The following NBAS variants were observed in gnomAD, a reference collection of about 807,000 sequenced individuals.
The protein encoded by NBAS is NBAS subunit of NRZ tethering complex.
NBAS carries 219 observed loss-of-function variants against 302.5 expected under a neutral mutation model. The observed-to-expected ratio is 0.72, with a 90% CI of 0.65 to 0.81. The LOEUF (loss-of-function observed/expected upper bound fraction) is 0.81. Among genes scored for constraint, NBAS ranks in the 30% least tolerant of loss-of-function variants. The probability of loss-of-function intolerance (pLI) is 0.00; values close to 1 mark genes in which losing one functional copy is unlikely to be tolerated. For missense variants in NBAS, 2,932 were observed against 2,841.6 expected (o/e 1.03, Z -0.72); for synonymous variants, 1,118 against 1,021.6 (o/e 1.09, Z -1.80).
intron 44 of NBAS, 90 bp downstream of exon 44, chr2:15,275,394 A>C (rs955646290): frequency 7.3e-7 from 1 of 1,367,354 alleles, no homozygotes; most frequent in Non-Finnish European, 1.0e-6. Context: ...ATTTTCAAGA[A>C]AGGAAACAAA....
chr2:15,359,266 A>G (rs1384543606), intron 32 of NBAS, among the ~76,000 whole-genome samples: 1 of 152,222 alleles, frequency 6.6e-6, no homozygotes, highest in Non-Finnish European at 1.5e-5. Context: ...TCTATTGTCA[A>G]TTAATTCACA....
At chr2:15,423,940 A>G (rs964847539) in intron 23 of NBAS, among the ~76,000 whole-genome samples, 4 of 152,248 alleles carry the variant, frequency 2.6e-5, no homozygotes, top group African/African-American at 9.6e-5. Flanking sequence ...GGGTTCCTGA[A>G]AGGCAAAGTT....
chr2:15,206,660 G>A (rs1475292140), intron 48 of NBAS, among the ~76,000 whole-genome samples: 1 of 152,180 alleles, frequency 6.6e-6, no homozygotes, highest in Non-Finnish European at 1.5e-5. Flanking sequence ...ATGGTGCCCT[G>A]CATTCCAGCC....
the NBAS span, among the ~76,000 whole-genome samples, chr2:14,917,564 C>A: frequency 1.3e-5 from 2 of 152,190 alleles, no homozygotes; most frequent in Admixed American, 6.5e-5. Flanking sequence ...GGTGTTAATA[C>A]CAGGAAGCAG....
chr2:14,942,000 G>A, the NBAS span, among the ~76,000 whole-genome samples: 1 of 152,162 alleles, frequency 6.6e-6, no homozygotes, highest in Non-Finnish European at 1.5e-5. Context: ...CAGCTTCTCA[G>A]GTATTCCCAA....
At chr2:15,281,511 A>AGG (rs1669825249) in intron 42 of NBAS, among the ~76,000 whole-genome samples, 1 of 152,240 alleles carries the variant, frequency 6.6e-6, no homozygotes, top group African/African-American at 2.4e-5. Flanking sequence ...TGGTAAATCT[A>AGG]GCCTGTTCCC....
chr2:14,920,634 CT>C, the NBAS span, among the ~76,000 whole-genome samples: 1 of 152,324 alleles, frequency 6.6e-6, no homozygotes, highest in Admixed American at 6.5e-5. Context: ...TTCTGGATAA[CT>C]TACTACAGCT....
At chr2:14,990,258 C>T in the NBAS span, among the ~76,000 whole-genome samples, 6 of 59,894 alleles carry the variant, frequency 1.0e-4, no homozygotes, top group African/African-American at 2.2e-4. Context: ...ACTAAAACTC[C>T]AAAAAAAAAA....
chr2:14,800,791 GT>G, the NBAS span, among the ~76,000 whole-genome samples: 28 of 137,890 alleles, frequency 2.0e-4, no homozygotes, highest in South Asian at 4.5e-4. Context: ...AATTGTTTTT[GT>G]TTTTTTTTTT....
chr2:15,419,365 G>C (rs1367998800), intron 23 of NBAS, among the ~76,000 whole-genome samples: 1 of 148,852 alleles, frequency 6.7e-6, no homozygotes, highest in Non-Finnish European at 1.5e-5. Flanking sequence ...GTGTGTAGAA[G>C]AATACATTTA....
Position 15,166,993 on chromosome 2 carries a change from A to G in NBAS, c.*55T>C, listed in dbSNP as rs921460096. ...GCAGATACACATGTTGCTTCTGGGA[A>G]CAGCATTCAACTCCAGATGCTTTTT... is the stretch of plus-strand genomic sequence containing the variant. On this transcript the variant is annotated 3_prime_UTR_variant, in exon 52 of 52. Transcript: ENST00000281513. 5 of 1,500,472 alleles carry G rather than the reference A, an allele frequency of 3.3e-6. No homozygotes were observed. The highest frequency in any genetic ancestry group is 1.4e-5 in the African/African-American group (1 of 71,450). 92.9% of individuals were successfully genotyped at this position (1,500,472 alleles called of 1,614,324 possible). A position where few individuals can be genotyped will look rare whatever the true frequency, so the allele number is the denominator to read the frequency against.
At chr2:15,380,466 C>G in intron 29 of NBAS, among the ~76,000 whole-genome samples, 1 of 152,154 alleles carries the variant, frequency 6.6e-6, no homozygotes, top group Non-Finnish European at 1.5e-5. Context: ...GTCTTATGAA[C>G]TAAATAGCCA....
the NBAS span, among the ~76,000 whole-genome samples, chr2:15,043,981 C>T: frequency 6.6e-6 from 1 of 152,096 alleles, no homozygotes; most frequent in Non-Finnish European, 1.5e-5. Context: ...TGGGCCAGTA[C>T]CTGGTACAGA....
At chr2:15,001,676 G>A in the NBAS span, among the ~76,000 whole-genome samples, 1 of 152,040 alleles carries the variant, frequency 6.6e-6, no homozygotes, top group Non-Finnish European at 1.5e-5. Context: ...GAATGAAGCC[G>A]CGGACCCTCG....
intron 29 of NBAS, 139 bp downstream of exon 29, chr2:15,383,076 T>C (rs1260909202): frequency 2.8e-6 from 2 of 708,136 alleles, no homozygotes; most frequent in African/African-American, 3.6e-5. Context: ...GCTCAACCTA[T>C]AAAGCACTAG....
chr2:15,427,724 C>T lies in NBAS; in HGVS notation c.2410G>A (p.Glu804Lys). The T allele has an allele frequency of 6.2e-7, 1 of 1,612,652 alleles. No homozygotes were observed. The highest frequency in any genetic ancestry group is 8.5e-7 in the Non-Finnish European group (1 of 1,179,296). ...GCTCATACTGACCTGCAAGCCAACTCCTCGCACCAATCTTTAGCTCGGTGT... is the reference window on the plus strand; with the variant it reads ...GCTCATACTGACCTGCAAGCCAACTTCTCGCACCAATCTTTAGCTCGGTGT... ...HKHRAKDWCEELACRMVVEPN... is the reference protein window; with the variant it reads ...HKHRAKDWCEKLACRMVVEPN... The change falls in exon 22 of 52, where the codon GAG becomes AAG. Residue 804 changes from glutamate (E) to lysine (K), a missense_variant. By Grantham distance (56) the Glu-to-Lys change is moderately conservative. Coordinates refer to ENST00000281513, the MANE Select transcript of NBAS (RefSeq NM_015909.4).
In NBAS at chr2:15,550,286, T is replaced by C. The variant is rs555495434; in HGVS notation, c.379+1207A>G. On this transcript the variant is annotated intron_variant, in intron 6 of 51. Transcript: ENST00000281513. ...CTCCTTGCTCTCTATTGATGTCAAA[T>C]ACATATTTTATCCTAATACTGTTTT... 9.8e-5 allele frequency among the ~76,000 whole-genome samples: 15 copies of C among 152,338 alleles called. No individual in the cohort carries two copies. In the South Asian group the frequency reaches 1.0e-3, roughly 11 times the overall value.
intron 11 of NBAS, among the ~76,000 whole-genome samples, chr2:15,489,439 A>G (rs903308196): frequency 2.6e-5 from 4 of 152,182 alleles, no homozygotes; most frequent in African/African-American, 9.7e-5. Flanking sequence ...AGTATGCTAT[A>G]TATCATAAAT....
Position 15,504,216 on chromosome 2 carries a change from G to C in NBAS, c.886-3C>G, listed in dbSNP as rs765170132. 1.9e-6 allele frequency: 3 copies of C among 1,607,116 alleles called. No individual in the cohort carries two copies. In the South Asian group the frequency reaches 3.3e-5, roughly 18 times the overall value. ...AATAATCCCAGTGTCTTCGGTACCTGCAAAATAAATGCATCATATGAAGAA... is the reference window on the plus strand; with the variant it reads ...AATAATCCCAGTGTCTTCGGTACCTCCAAAATAAATGCATCATATGAAGAA... On this transcript the variant is annotated splice_polypyrimidine_tract_variant and splice_region_variant and intron_variant, in intron 10 of 51. Coordinates refer to ENST00000281513, the MANE Select transcript of NBAS (RefSeq NM_015909.4).
Sources: gnomAD v4.1 joint callset for allele counts (sites outside exome capture counted in the v4.1 genomes callset) on GRCh38, gnomAD v4.1.1 for gene constraint, MANE v1.5 for transcripts, NCBI Gene and HGNC (gene_info 2026-07-23, HGNC 2026-07-21) for gene names.